PCLO: variants seen among roughly 807,000 people sequenced by gnomAD.
PCLO encodes the protein piccolo presynaptic cytomatrix protein.
In PCLO, 82 loss-of-function variants were observed where a neutral mutation model predicts 427.5. The observed-to-expected ratio is 0.19, with a 90% CI of 0.16 to 0.23. The LOEUF (loss-of-function observed/expected upper bound fraction) is 0.23, where lower values mean the gene tolerates loss of function less well. Among genes scored for constraint, PCLO ranks in the 10% least tolerant of loss-of-function variants. The pLI, the probability that PCLO is intolerant of heterozygous loss-of-function variation, is 1.00. For synonymous variants in PCLO, 2,357 were observed against 2,155.4 expected (o/e 1.09, Z -2.59); for missense variants, 6,239 against 6,115.9 (o/e 1.02, Z -0.67).
chr7:82,952,721 A>G lies in PCLO; in HGVS notation c.8232T>C (p.Cys2744=), dbSNP rs376620383. 11 of 1,613,722 alleles carry G rather than the reference A, an allele frequency of 6.8e-6. No homozygotes were observed. The African/African-American group carries it at 1.5e-4, about 22-fold the overall frequency. Reference sequence around the variant, plus strand: ...CCATTGTAGAAGCAGAAAGATCAATACATTTATCAGTTGTTTTAACTTCTA... The same window carrying G: ...CCATTGTAGAAGCAGAAAGATCAATGCATTTATCAGTTGTTTTAACTTCTA... ...PKVEVKTTDK[C]IDLSASTMDV... is the part of the protein sequence containing the mutation. Residue 2744 remains cysteine, a synonymous_variant, in exon 5 of 25, where the codon TGT becomes TGC. Coordinates refer to ENST00000333891, the MANE Select transcript of PCLO (RefSeq NM_033026.6).
At chr7:82,920,058 C>T (rs1794561179) in intron 6 of PCLO, among the ~76,000 whole-genome samples, 1 of 151,660 alleles carries the variant, frequency 6.6e-6, no homozygotes, top group African/African-American at 2.4e-5. Flanking sequence ...GTCTTACCAA[C>T]TTATAATTCA....
chr7:83,025,631 CA>C (rs945122011), intron 3 of PCLO, among the ~76,000 whole-genome samples: 1 of 151,798 alleles, frequency 6.6e-6, no homozygotes, highest in African/African-American at 2.4e-5. Context: ...TCGAGAAGAG[CA>C]ACTCCAAGAC....
chr7:82,890,978 A>G (rs185141312), intron 9 of PCLO, among the ~76,000 whole-genome samples: 2 of 152,126 alleles, frequency 1.3e-5, no homozygotes, highest in East Asian at 3.9e-4. Context: ...ATTTTTGCAT[A>G]TATGATTTAT....
At chr7:83,105,844 A>T (rs374465900) in intron 3 of PCLO, among the ~76,000 whole-genome samples, 1 of 152,216 alleles carries the variant, frequency 6.6e-6, no homozygotes, top group African/African-American at 2.4e-5. Flanking sequence ...TATATACAGT[A>T]TCTTCTTATT....
intron 3 of PCLO, among the ~76,000 whole-genome samples, chr7:83,121,799 C>A (rs10257257): frequency 2.0e-5 from 3 of 151,814 alleles, no homozygotes; most frequent in African/African-American, 7.3e-5. Flanking sequence ...TAATGATAAA[C>A]GATTCAATTA....
At position 82,754,829 on chromosome 7, in the gene PCLO, A is replaced by C. The variant is rs1021011512; in HGVS notation, c.*3746T>G. On this transcript the variant is annotated 3_prime_UTR_variant, in exon 25 of 25. Transcript: ENST00000333891. ...TTGAGTCTTCTTTCACTTTCATGTC[A>C]AGCTCAAAAAGAGGGAAGGAAGATC... 3.9e-5 allele frequency: 6 copies of C among 152,110 alleles called. No homozygotes were observed. The highest frequency in any genetic ancestry group is 5.9e-5 in the Non-Finnish European group (4 of 67,974). 9.4% of individuals were successfully genotyped at this position (152,110 alleles called of 1,614,324 possible). A position where few individuals can be genotyped will look rare whatever the true frequency, so the allele number is the denominator to read the frequency against.
intron 13 of PCLO, among the ~76,000 whole-genome samples, chr7:82,841,828 A>G (rs1792374889): frequency 6.6e-6 from 1 of 152,134 alleles, no homozygotes. Flanking sequence ...TACAGGTTTT[A>G]AAGATCTATA....
At chr7:82,768,786 GA>G (rs2129467781) in intron 22 of PCLO, among the ~76,000 whole-genome samples, 1 of 151,970 alleles carries the variant, frequency 6.6e-6, no homozygotes, top group Admixed American at 6.6e-5. Flanking sequence ...AATTTTCTCA[GA>G]TAAAAATTTT....
intron 3 of PCLO, among the ~76,000 whole-genome samples, chr7:82,999,597 A>G (rs111219863): frequency 4.6e-5 from 2 of 43,404 alleles, no homozygotes; most frequent in African/African-American, 3.0e-4. Flanking sequence ...AATATAAAAT[A>G]TAATATTATA....
chr7:82,875,060 A>G (rs1793337358), intron 10 of PCLO, among the ~76,000 whole-genome samples: 1 of 152,186 alleles, frequency 6.6e-6, no homozygotes, highest in Non-Finnish European at 1.5e-5. Context: ...ACTAAAATAA[A>G]GAATAATAGG....
intron 6 of PCLO, among the ~76,000 whole-genome samples, chr7:82,922,340 A>T (rs1302528808): frequency 2.0e-5 from 3 of 152,062 alleles, no homozygotes; most frequent in Non-Finnish European, 4.4e-5. Flanking sequence ...ACCAAGCCAG[A>T]TGTCCATCAA....
At chr7:82,814,125 T>G (rs1184135476) in intron 20 of PCLO, among the ~76,000 whole-genome samples, 1 of 151,792 alleles carries the variant, frequency 6.6e-6, no homozygotes, top group Non-Finnish European at 1.5e-5. Context: ...TTAAAGCTGA[T>G]AGGCAACTTA....
At chr7:82,932,049 A>T (rs1377073399) in intron 6 of PCLO, among the ~76,000 whole-genome samples, 2 of 152,138 alleles carry the variant, frequency 1.3e-5, no homozygotes. Context: ...CTTCACCGTG[A>T]TGTAGGAAGT....
At chr7:83,057,510 C>T (rs1231685963) in intron 3 of PCLO, among the ~76,000 whole-genome samples, 3 of 149,442 alleles carry the variant, frequency 2.0e-5, no homozygotes, top group Admixed American at 6.7e-5. Context: ...TGCATGCGCC[C>T]GCCACCATGC....
intron 4 of PCLO, among the ~76,000 whole-genome samples, chr7:82,960,693 T>C (rs1584224849): frequency 6.6e-6 from 1 of 152,186 alleles, no homozygotes; most frequent in East Asian, 1.9e-4. Context: ...AACAAACATT[T>C]TGAAAGATAG....
In PCLO at chr7:82,758,134, G is replaced by A. The variant is rs1315674055; in HGVS notation, c.*441C>T. On this transcript the variant is annotated 3_prime_UTR_variant, in exon 25 of 25. Coordinates refer to ENST00000333891, the MANE Select transcript of PCLO (RefSeq NM_033026.6). ...GTTGTCTGAATAGAAGACGATGAAG[G>A]AAGATTTTTGAAGTTTTGAAAACTG... is the stretch of plus-strand genomic sequence containing the variant. The A allele has an allele frequency of 6.6e-6, 1 of 152,526 alleles. No individual in the cohort carries two copies. The highest frequency in any genetic ancestry group is 1.9e-4 in the East Asian group (1 of 5,186). 9.4% of individuals were successfully genotyped at this position (152,526 alleles called of 1,614,324 possible).
rs1048390886 is a variant in PCLO, at chr7:83,162,869, G to C, written c.-277C>G. ...GGACGCCGCCTCGGCGCCCCGAGCC[G>C]GGGAGAAGCAGATCTGAGCGGTGCC... On this transcript the variant is annotated 5_prime_UTR_variant, in exon 1 of 25. Coordinates refer to ENST00000333891, the MANE Select transcript of PCLO (RefSeq NM_033026.6). 2 of 492,046 alleles carry C rather than the reference G, an allele frequency of 4.1e-6. No homozygotes were observed. The highest frequency in any genetic ancestry group is 3.8e-5 in the East Asian group (1 of 26,476). 30.5% of individuals were successfully genotyped at this position (492,046 alleles called of 1,614,324 possible). A position where few individuals can be genotyped will look rare whatever the true frequency, so the allele number is the denominator to read the frequency against.
At chr7:83,148,603 T>A (rs1219512108) in intron 2 of PCLO, among the ~76,000 whole-genome samples, 1 of 152,196 alleles carries the variant, frequency 6.6e-6, no homozygotes, top group Non-Finnish European at 1.5e-5. Flanking sequence ...CCTTTTTTTT[T>A]ACCCTCAACC....
chr7:82,776,832 A>G (rs1238001574), intron 22 of PCLO, among the ~76,000 whole-genome samples: 5 of 56,128 alleles, frequency 8.9e-5, no homozygotes, highest in Non-Finnish European at 1.9e-4. Flanking sequence ...CTCTCTCTAT[A>G]TATACACACA....
Sources: allele counts gnomAD v4.1 joint callset (sites outside exome capture counted in the v4.1 genomes callset), GRCh38; gene constraint gnomAD v4.1.1; transcripts MANE v1.5; gene names NCBI Gene and HGNC (gene_info 2026-07-23, HGNC 2026-07-21).